FAM228B: variants seen among roughly 807,000 people sequenced by gnomAD.
The protein encoded by FAM228B is protein FAM228B.
A neutral mutation model predicts 42.6 loss-of-function variants in FAM228B; 38 were observed. The ratio of observed to expected loss-of-function variants is 0.89; its 90% CI spans 0.69 to 1.17. The LOEUF (loss-of-function observed/expected upper bound fraction) is 1.17, where lower values mean the gene tolerates loss of function less well. Ranked by LOEUF, FAM228B falls within the 50% of genes most tolerant of loss-of-function variation. The probability of loss-of-function intolerance (pLI) is 0.00; values close to 1 mark genes in which losing one functional copy is unlikely to be tolerated. For synonymous variants in FAM228B, 109 were observed against 122.3 expected (o/e 0.89, Z 0.72); for missense variants, 344 against 367.3 (o/e 0.94, Z 0.52).
chr2:24,136,930 C>G (rs1666605306), intron 3 of FAM228B, among the ~76,000 whole-genome samples: 1 of 152,172 alleles, frequency 6.6e-6, no homozygotes, highest in Non-Finnish European at 1.5e-5. Flanking sequence ...CCTCATTTCT[C>G]CCTCCCCCAG....
rs548264853 is a variant in FAM228B at position 24,132,464 on chromosome 2, GTTTTTTTTTTTTT to G, written c.100-2641_100-2629del. On this transcript the variant is annotated intron_variant, in intron 2 of 10. Transcript: ENST00000615575. ...CATGAATCCCTCTGGTCCTGGGATT[GTTTTTTTTTTTTT>G]TTTTTTTTTTTTTGGTTGATAGGCT... 3.5e-3 allele frequency among the ~76,000 whole-genome samples: 194 copies of G among 56,016 alleles called. 1 individual carries two copies. Among genetic ancestry groups the G allele is most frequent in the Middle Eastern group, 0.014 (1 of 74 alleles). The allele number at this position is 56,016 out of a possible 152,430, so 36.7% of individuals were successfully genotyped here. A position where few individuals can be genotyped will look rare whatever the true frequency, so the allele number is the denominator to read the frequency against.
intron 7 of FAM228B, among the ~76,000 whole-genome samples, chr2:24,148,174 G>A (rs1322642831): frequency 2.0e-5 from 3 of 152,050 alleles, no homozygotes; most frequent in Non-Finnish European, 2.9e-5. Flanking sequence ...CTTAGAGTGC[G>A]GGTGGGGTGC....
intron 1 of FAM228B, among the ~76,000 whole-genome samples, 195 bp downstream of exon 1, chr2:24,123,728 C>T (rs1666212882): frequency 6.6e-6 from 1 of 151,540 alleles, no homozygotes; most frequent in African/African-American, 2.4e-5. Context: ...CCGCGCACGA[C>T]GCGCCTGCGC....
intron 8 of FAM228B, among the ~76,000 whole-genome samples, chr2:24,162,255 T>G (rs1213120012): frequency 6.6e-6 from 1 of 152,164 alleles, no homozygotes; most frequent in Admixed American, 6.5e-5. Context: ...TAAATGGAGT[T>G]TGGGACTGGT....
At chr2:24,079,557 A>G in intron 1 of FAM228B, 1 of 1,614,198 alleles carries the variant, frequency 6.2e-7, no homozygotes, top group Non-Finnish European at 8.5e-7. Flanking sequence ...TAGAGAACCC[A>G]TCGACCATCA....
chr2:24,159,628 A>G (rs897418375), intron 7 of FAM228B, among the ~76,000 whole-genome samples: 2 of 152,212 alleles, frequency 1.3e-5, no homozygotes, highest in Non-Finnish European at 2.9e-5. Context: ...TGTAGCAGAT[A>G]TAGGTATGGG....
chr2:24,139,736 A>ATGAGAAAATTGATTTTCAAAT (rs981827550), intron 5 of FAM228B, among the ~76,000 whole-genome samples: 2 of 152,218 alleles, frequency 1.3e-5, no homozygotes, highest in African/African-American at 4.8e-5. Flanking sequence ...TGATAGATAA[A>ATGAGAAAATTGATTTTCAAAT]TGAGAAAATT....
chr2:24,151,034 T>G (rs2151025409), intron 7 of FAM228B, among the ~76,000 whole-genome samples: 1 of 152,290 alleles, frequency 6.6e-6, no homozygotes, highest in East Asian at 1.9e-4. Context: ...TCTATATCTA[T>G]CTCCCCTGTA....
intron 2 of FAM228B, among the ~76,000 whole-genome samples, chr2:24,133,650 A>T (rs764760258): frequency 5.3e-5 from 8 of 152,258 alleles, no homozygotes; most frequent in Admixed American, 3.3e-4. Flanking sequence ...AACATTTGTT[A>T]TAAAAATGGA....
chr2:24,138,754 G>A (rs1032952583), intron 4 of FAM228B, among the ~76,000 whole-genome samples: 194 of 151,116 alleles, frequency 1.3e-3, no homozygotes, highest in African/African-American at 4.4e-3. Flanking sequence ...TTGGGAGTTC[G>A]AGACCAGCCT....
At chr2:24,148,958 A>G (rs1322781089) in intron 7 of FAM228B, among the ~76,000 whole-genome samples, 1 of 152,212 alleles carries the variant, frequency 6.6e-6, no homozygotes, top group Non-Finnish European at 1.5e-5. Flanking sequence ...AGATCCCACA[A>G]ATAAGTGATA....
At chr2:24,122,200 C>T (rs923816842), upstream of FAM228B, among the ~76,000 whole-genome samples, 1 of 152,096 alleles carries the variant, frequency 6.6e-6, no homozygotes, top group South Asian at 2.1e-4. Flanking sequence ...GGCCTGGTAG[C>T]GCACTCCTGT....
At chr2:24,100,104 A>AC (rs1665575765) in intron 3 of FAM228B, among the ~76,000 whole-genome samples, 3 of 137,312 alleles carry the variant, frequency 2.2e-5, no homozygotes, top group Non-Finnish European at 3.4e-5. Context: ...CTTACACCTT[A>AC]TAAAAAATTA....
At position 24,078,480 on chromosome 2, in the gene FAM228B, TAA is replaced by T. The variant is rs36089798; in HGVS notation, c.-290+1533_-290+1534del. On this transcript the variant is annotated intron_variant, in intron 1 of 10. Transcript: ENST00000613899. Reference sequence around the variant, plus strand: ...GTGACAGAGTAAGACCCTGTCTCCATAAAAAAAAAAAAAAAAAAAAAAAGTAC... The same window carrying T: ...GTGACAGAGTAAGACCCTGTCTCCATAAAAAAAAAAAAAAAAAAAAAGTAC... 4.2e-3 allele frequency among the ~76,000 whole-genome samples: 439 copies of T among 104,914 alleles called. 2 individuals carry two copies. Among genetic ancestry groups the T allele is most frequent in the African/African-American group, 9.1e-3 (240 of 26,292 alleles). The allele number at this position is 104,914 out of a possible 152,430, so 68.8% of individuals were successfully genotyped here.
At chr2:24,145,798 C>A (rs1357120406) in intron 5 of FAM228B, among the ~76,000 whole-genome samples, 1 of 151,232 alleles carries the variant, frequency 6.6e-6, no homozygotes, top group Non-Finnish European at 1.5e-5. Context: ...ATGGCATTCT[C>A]CTGCCTTGGC....
intron 8 of FAM228B, among the ~76,000 whole-genome samples, chr2:24,163,295 C>T (rs1478907383): frequency 6.6e-6 from 1 of 152,108 alleles, no homozygotes; most frequent in Non-Finnish European, 1.5e-5. Context: ...CTGGTATGAC[C>T]AGCAGAGAGA....
chr2:24,083,228 AG>A, intron 2 of FAM228B: 2 of 1,478,060 alleles, frequency 1.4e-6, no homozygotes, highest in South Asian at 2.8e-5. Flanking sequence ...CCCCCTTCCA[AG>A]ATCCCCTCTT....
rs749318875 is a variant in FAM228B at position 24,084,222 on chromosome 2, C to T, written c.-210+3267C>T. 1.5e-5 allele frequency: 25 copies of T among 1,613,750 alleles called. No individual in the cohort carries two copies. Among genetic ancestry groups the T allele is most frequent in the South Asian group, 1.1e-5 (1 of 91,072 alleles). ...AGTCCGCCCGGTTCAGGGCGCTGGCCGCCACCTTCAGGAGGACTTCACCCT... is the reference window on the plus strand; with the variant it reads ...AGTCCGCCCGGTTCAGGGCGCTGGCTGCCACCTTCAGGAGGACTTCACCCT... On this transcript the variant is annotated intron_variant, in intron 2 of 10. Coordinates refer to the FAM228B transcript ENST00000613899. This position sits in a 1 kb window ranked among gnomAD's most constrained non-coding sequence, Gnocchi z 8.4.
chr2:24,089,732 G>A (rs1665343668), intron 2 of FAM228B, among the ~76,000 whole-genome samples: 1 of 152,210 alleles, frequency 6.6e-6, no homozygotes, highest in Admixed American at 6.5e-5. Context: ...TGTTGTTGTT[G>A]TAAGCTGTTA....
Sources: allele counts gnomAD v4.1 joint callset (sites outside exome capture counted in the v4.1 genomes callset), GRCh38; gene constraint gnomAD v4.1.1; non-coding constraint Gnocchi (gnomAD v3.1); transcripts MANE v1.5; gene names NCBI Gene and HGNC (gene_info 2026-07-23, HGNC 2026-07-21).